KIDINS220: variants seen among roughly 807,000 people sequenced by gnomAD.
The protein encoded by KIDINS220 is kinase D-interacting substrate of 220 kDa.
A neutral mutation model predicts 157.6 loss-of-function variants in KIDINS220; 63 were observed. That is an observed-to-expected ratio of 0.40 (90% confidence interval 0.33 to 0.49). The LOEUF is 0.49. Among genes scored for constraint, KIDINS220 ranks in the 20% least tolerant of loss-of-function variants. The pLI is 0.66. For missense variants in KIDINS220, 1,772 were observed against 2,171.2 expected (o/e 0.82, Z 3.65); for synonymous variants, 732 against 783.6 (o/e 0.93, Z 1.10).
In KIDINS220 at chr2:8,750,139, C is replaced by T. The variant is rs376957194; in HGVS notation, c.3387G>A (p.Thr1129=). The T allele has an allele frequency of 6.8e-6, 11 of 1,614,084 alleles. No homozygotes were observed. The highest frequency in any genetic ancestry group is 6.7e-5 in the African/African-American group (5 of 75,018). Residue 1129 remains threonine (T), a synonymous_variant, in exon 24 of 30, where the codon ACG becomes ACA. Coordinates refer to ENST00000256707, the MANE Select transcript of KIDINS220 (RefSeq NM_020738.4). ...QPHSSYYSGM[T]GPQHPFYNRP... ...TGTTGTAGAAGGGATGCTGAGGGCC[C>T]GTCATGCCGCTGTAATAGCTGCTGT...
At chr2:8,755,304 C>T (rs971677975) in intron 22 of KIDINS220, among the ~76,000 whole-genome samples, 1 of 152,150 alleles carries the variant, frequency 6.6e-6, no homozygotes, top group Non-Finnish European at 1.5e-5. Flanking sequence ...TCATTACAAG[C>T]CCCCAGAGCA....
intron 22 of KIDINS220, among the ~76,000 whole-genome samples, chr2:8,768,096 A>AT (rs1001364002): frequency 4.6e-5 from 7 of 152,180 alleles, no homozygotes; most frequent in Non-Finnish European, 7.4e-5. Flanking sequence ...ACTTAAATTC[A>AT]TTTTTTTAAA....
chr2:8,757,500 A>G, intron 22 of KIDINS220: 1 of 1,411,038 alleles, frequency 7.1e-7, no homozygotes, highest in South Asian at 1.5e-5. Context: ...GAGGAGCAGA[A>G]GTGACTGTAC....
At position 8,730,535 on chromosome 2, in the gene KIDINS220, GCTGGTGAGCCATGCTT is replaced by G. The variant is rs1156556786; in HGVS notation, c.*169_*184del. On this transcript the variant is annotated 3_prime_UTR_variant, in exon 30 of 30. Transcript: ENST00000256707. The stretch of plus-strand genomic sequence containing the variant: ...CTAATTACAAAGACCACAGAGGCTG[GCTGGTGAGCCATGCTT>G]CTCATGCTCCCTTCTGTCACACTGC... The G allele has an allele frequency of 1.9e-5, 27 of 1,426,498 alleles. No homozygotes were observed. The highest frequency in any genetic ancestry group is 1.5e-4 in the Admixed American group (5 of 34,104). The allele number at this position is 1,426,498 out of a possible 1,614,324, so 88.4% of individuals were successfully genotyped here.
intron 2 of KIDINS220, among the ~76,000 whole-genome samples, chr2:8,820,127 G>A (rs904113826): frequency 3.3e-5 from 5 of 152,086 alleles, no homozygotes; most frequent in Non-Finnish European, 5.9e-5. Context: ...TGAGTGACGC[G>A]GAGCAGGGCA....
rs1419496257 is a variant in KIDINS220, at chr2:8,785,933, T to C, written c.2037A>G (p.Ile679Met). 1 of 1,613,964 alleles carries C rather than the reference T, an allele frequency of 6.2e-7. No individual in the cohort carries two copies. Among genetic ancestry groups the C allele is most frequent in the East Asian group, 2.2e-5 (1 of 44,898 alleles). ...CIISGITLLAIFRVDPKHLTV... is the reference protein window; with the variant it reads ...CIISGITLLAMFRVDPKHLTV... Reference sequence around the variant, plus strand: ...TCAGATGCTTTGGGTCAACTCTAAATATAGCCAGAAGAGTAATTCCAGATA... The same window carrying C: ...TCAGATGCTTTGGGTCAACTCTAAACATAGCCAGAAGAGTAATTCCAGATA... Residue 679 changes from isoleucine (I) to methionine (M), a missense_variant, in exon 17 of 30, where the codon ATA (isoleucine) becomes ATG (methionine). Around this residue, in one of 3 missense-constraint regions of KIDINS220, gnomAD observed 725 missense variants for 1,017.1 expected, o/e 0.71. Coordinates refer to ENST00000256707, the MANE Select transcript of KIDINS220 (RefSeq NM_020738.4).
intron 22 of KIDINS220, among the ~76,000 whole-genome samples, chr2:8,753,804 G>C (rs1190718132): frequency 6.6e-6 from 1 of 152,118 alleles, no homozygotes; most frequent in African/African-American, 2.4e-5. Flanking sequence ...TCATCTAAGG[G>C]AAAAACCCAG....
intron 21 of KIDINS220, among the ~76,000 whole-genome samples, chr2:8,772,453 A>G (rs967722766): frequency 2.6e-5 from 4 of 152,170 alleles, no homozygotes; most frequent in African/African-American, 7.2e-5. Flanking sequence ...TCCAGCCTGG[A>G]GGACAGAGCG....
Position 8,731,852 on chromosome 2 carries a change from G to A in KIDINS220, c.4184C>T (p.Ser1395Phe), listed in dbSNP as rs372410720. The A allele has an allele frequency of 1.9e-6, 3 of 1,613,982 alleles. No homozygotes were observed. The African/African-American group carries it at 4.0e-5, about 22-fold the overall frequency. Residue 1395 changes from serine to phenylalanine, a missense_variant, in exon 30 of 30, where the codon TCC becomes TTC. Transcript: ENST00000256707. This position sits in a 1 kb window ranked among gnomAD's most constrained non-coding sequence, Gnocchi z 5.2. Reference protein sequence around the residue: ...DAYREYIAQMSQLEGGPGSTT... With the variant: ...DAYREYIAQMFQLEGGPGSTT... ...AGACCCGGGGCCCCCTTCTAACTGG[G>A]ACATCTGAGCAATGTATTCTCTATA... is the stretch of plus-strand genomic sequence containing the variant.
At chr2:8,744,388 AATATATATATATAATATAT>A (rs1558328249) in intron 26 of KIDINS220, among the ~76,000 whole-genome samples, 6 of 26,160 alleles carry the variant, frequency 2.3e-4, no homozygotes, top group African/African-American at 7.5e-4. Flanking sequence ...AAAAAAAAAA[AATATATATATATAATATAT>A]ATATATATAT....
intron 22 of KIDINS220, among the ~76,000 whole-genome samples, chr2:8,754,162 T>C (rs144005537): frequency 6.6e-6 from 1 of 152,292 alleles, no homozygotes; most frequent in East Asian, 1.9e-4. Flanking sequence ...ACAAGTCACA[T>C]GAAACAAATT....
chr2:8,744,940 G>A (rs1282065404), intron 26 of KIDINS220, among the ~76,000 whole-genome samples: 1 of 152,236 alleles, frequency 6.6e-6, no homozygotes, highest in East Asian at 1.9e-4. Flanking sequence ...AAATGATATG[G>A]TTATTCTACT....
Position 8,730,716 on chromosome 2 carries a change from T to G in KIDINS220, c.*4A>C. 6.2e-7 allele frequency: 1 copy of G among 1,611,382 alleles called. No individual in the cohort carries two copies. The highest frequency in any genetic ancestry group is 8.5e-7 in the Non-Finnish European group (1 of 1,179,068). On this transcript the variant is annotated 3_prime_UTR_variant, in exon 30 of 30. Coordinates refer to ENST00000256707, the MANE Select transcript of KIDINS220 (RefSeq NM_020738.4). ...GTAACACTCTTCTCCTTTGCTTGTT[T>G]TTCTCAAAGAATGCTTTCTCTTTCT...
rs780341215 is a variant in KIDINS220 at position 8,776,912 on chromosome 2, G to A, written c.2704-20C>T. 6 of 1,611,720 alleles carry A rather than the reference G, an allele frequency of 3.7e-6. No individual in the cohort carries two copies. In the Admixed American group the frequency reaches 8.4e-5, roughly 23 times the overall value. On this transcript the variant is annotated intron_variant, in intron 20 of 29. Coordinates refer to ENST00000256707, the MANE Select transcript of KIDINS220 (RefSeq NM_020738.4). The stretch of plus-strand genomic sequence containing the variant: ...AGTGTCCTGAAACAGCACGTCGTCA[G>A]TGAGAAGGAACCCACGCGTCCAGTC...
intron 22 of KIDINS220, among the ~76,000 whole-genome samples, chr2:8,755,895 C>G (rs1572517180): frequency 6.6e-6 from 1 of 152,318 alleles, no homozygotes; most frequent in East Asian, 1.9e-4. Flanking sequence ...TGTAGTATGT[C>G]TGAAATTGAG....
downstream of KIDINS220, chr2:8,721,718 C>A (rs573899257): frequency 6.6e-6 from 1 of 152,166 alleles, no homozygotes; most frequent in African/African-American, 2.4e-5. Flanking sequence ...CAAGAGTGGG[C>A]GGCACCTGGA....
At chr2:8,791,757 GA>G (rs1265624079) in intron 12 of KIDINS220, among the ~76,000 whole-genome samples, 1 of 151,976 alleles carries the variant, frequency 6.6e-6, no homozygotes, top group Non-Finnish European at 1.5e-5. Flanking sequence ...AATAGAAAAA[GA>G]AACATTTTAT....
intron 1 of KIDINS220, among the ~76,000 whole-genome samples, chr2:8,830,245 T>C (rs916023906): frequency 6.6e-6 from 1 of 152,214 alleles, no homozygotes; most frequent in African/African-American, 2.4e-5. Flanking sequence ...AAAATGTATT[T>C]GAAGGATAAT....
chr2:8,774,879 T>C (rs1670749866), intron 21 of KIDINS220, among the ~76,000 whole-genome samples: 1 of 152,134 alleles, frequency 6.6e-6, no homozygotes, highest in Non-Finnish European at 1.5e-5. Flanking sequence ...AAAGAATCAC[T>C]GTGGTTGCCG....
Sources: allele counts gnomAD v4.1 joint callset (sites outside exome capture counted in the v4.1 genomes callset), GRCh38; gene constraint gnomAD v4.1.1; regional missense constraint gnomAD v4.1.1; non-coding constraint Gnocchi (gnomAD v3.1); transcripts MANE v1.5; gene names NCBI Gene and HGNC (gene_info 2026-07-23, HGNC 2026-07-21).